The following SDK1 variants were observed in gnomAD, a reference collection of about 807,000 sequenced individuals.
SDK1 encodes the protein protein sidekick-1.
In SDK1, 157 loss-of-function variants were observed where a neutral mutation model predicts 245.5. The observed-to-expected ratio is 0.64, with a 90% CI of 0.56 to 0.73. The LOEUF (loss-of-function observed/expected upper bound fraction) is 0.73. Ranked by LOEUF, SDK1 falls within the 30% of genes least tolerant of loss-of-function variation. The pLI is 0.00. For missense variants in SDK1, 3,583 were observed against 3,002.3 expected (o/e 1.19, Z -4.52); for synonymous variants, 1,647 against 1,278.5 (o/e 1.29, Z -6.15).
intron 4 of SDK1, among the ~76,000 whole-genome samples, chr7:3,798,882 C>T (rs1445485541): frequency 6.6e-6 from 1 of 152,180 alleles, no homozygotes; most frequent in Non-Finnish European, 1.5e-5. Flanking sequence ...ACATACTCTG[C>T]TTTTCTTTGA....
intron 37 of SDK1, among the ~76,000 whole-genome samples, chr7:4,208,985 G>T (rs1784379836): frequency 6.6e-6 from 1 of 152,258 alleles, no homozygotes; most frequent in African/African-American, 2.4e-5. Context: ...GAGAGACTGG[G>T]AGAGTGAGGT....
chr7:3,614,305 A>G (rs1270187942), intron 1 of SDK1, among the ~76,000 whole-genome samples: 2 of 152,134 alleles, frequency 1.3e-5, no homozygotes, highest in Non-Finnish European at 2.9e-5. Flanking sequence ...TTCCTTAGTA[A>G]TTTATTCTAG....
intron 4 of SDK1, among the ~76,000 whole-genome samples, chr7:3,759,264 C>G (rs1780024623): frequency 6.6e-6 from 1 of 152,140 alleles, no homozygotes; most frequent in Non-Finnish European, 1.5e-5. Flanking sequence ...CCCAAAAGAT[C>G]AATCTCTAAA....
chr7:4,113,235 T>C (rs1207890455), intron 23 of SDK1, 54 bp from the exon 24 acceptor site: 20 of 1,580,638 alleles, frequency 1.3e-5, no homozygotes, highest in Non-Finnish European at 1.5e-5. Flanking sequence ...GGTTTCGTTC[T>C]TTTCCTTCTT....
intron 1 of SDK1, among the ~76,000 whole-genome samples, chr7:3,434,861 G>A (rs1779973521): frequency 6.6e-6 from 1 of 152,142 alleles, no homozygotes; most frequent in South Asian, 2.1e-4. Context: ...ATTGAGCCCA[G>A]AAAACTGAGA....
At chr7:4,059,794 A>T (rs986150885) in intron 19 of SDK1, among the ~76,000 whole-genome samples, 5 of 152,228 alleles carry the variant, frequency 3.3e-5, no homozygotes, top group Non-Finnish European at 5.9e-5. Context: ...GAACTTTGGA[A>T]TCTGTACAAA....
At chr7:3,561,306 A>G (rs573949910) in intron 1 of SDK1, among the ~76,000 whole-genome samples, 4 of 152,286 alleles carry the variant, frequency 2.6e-5, no homozygotes, top group East Asian at 3.9e-4. Context: ...TATTAAGCCA[A>G]CTTTTTGACA....
intron 1 of SDK1, among the ~76,000 whole-genome samples, chr7:3,558,065 C>G (rs1231803005): frequency 7.6e-6 from 1 of 130,768 alleles, no homozygotes; most frequent in South Asian, 2.5e-4. Flanking sequence ...CAGTTATAGT[C>G]CCCAAAGACT....
intron 1 of SDK1, among the ~76,000 whole-genome samples, chr7:3,364,647 C>T (rs912172620): frequency 2.6e-5 from 4 of 152,078 alleles, no homozygotes; most frequent in African/African-American, 9.7e-5. Flanking sequence ...GTATGTCCCC[C>T]AGCTGATAAT....
rs1787731583 is a variant in SDK1 at position 4,030,600 on chromosome 7, G to A, written c.2602+13248G>A. On this transcript the variant is annotated intron_variant, in intron 17 of 44. Transcript: ENST00000404826. ...AACTCTATCTGGACATCATCAACGG[G>A]CTTTTCATACGCGCCTTGGTGCTAT... Among the ~76,000 whole-genome samples, 4 of 152,210 alleles carry A rather than the reference G, an allele frequency of 2.6e-5. No homozygotes were observed. The South Asian group carries it at 8.3e-4, about 32-fold the overall frequency.
chr7:3,868,487 C>T (rs1056807724), intron 5 of SDK1, among the ~76,000 whole-genome samples: 16 of 152,136 alleles, frequency 1.1e-4, no homozygotes, highest in African/African-American at 3.4e-4. Flanking sequence ...AATGAATTTG[C>T]TATTTTAGTT....
At chr7:3,383,812 C>G (rs1012867778) in intron 1 of SDK1, among the ~76,000 whole-genome samples, 2 of 152,156 alleles carry the variant, frequency 1.3e-5, no homozygotes, top group Non-Finnish European at 2.9e-5. Context: ...CTAGAGTAGT[C>G]CTTTCACAAA....
chr7:4,020,372 C>T (rs1011210540), intron 17 of SDK1, among the ~76,000 whole-genome samples: 1 of 152,132 alleles, frequency 6.6e-6, no homozygotes, highest in Non-Finnish European at 1.5e-5. Context: ...ATTCAAGGAC[C>T]TCCCAGCCAG....
At chr7:3,625,081 C>T (rs1186022822) in intron 2 of SDK1, among the ~76,000 whole-genome samples, 2 of 152,000 alleles carry the variant, frequency 1.3e-5, no homozygotes, top group African/African-American at 4.8e-5. Context: ...AATGAGTTCT[C>T]AAACCAATGC....
rs576415011 is a variant in SDK1 at position 4,267,463 on chromosome 7, C to T, written c.*2079C>T. 21 of 985,410 alleles carry T rather than the reference C, an allele frequency of 2.1e-5. No homozygotes were observed. The highest frequency in any genetic ancestry group is 9.4e-5 in the South Asian group (2 of 21,276). 61.0% of individuals were successfully genotyped at this position (985,410 alleles called of 1,614,324 possible). On this transcript the variant is annotated 3_prime_UTR_variant, in exon 45 of 45. Transcript: ENST00000404826. ...AACCCACAGTTCCCCGGATGAGACT[C>T]ACCACAGTGGACAGTGCCACCTCCT...
intron 1 of SDK1, among the ~76,000 whole-genome samples, chr7:3,303,793 T>C (rs1242633082): frequency 6.6e-6 from 1 of 152,228 alleles, no homozygotes; most frequent in East Asian, 1.9e-4. Context: ...ACAGAGGAGA[T>C]GTCACCATTT....
intron 7 of SDK1, among the ~76,000 whole-genome samples, chr7:3,957,481 A>G (rs918704198): frequency 1.3e-5 from 2 of 152,262 alleles, no homozygotes; most frequent in East Asian, 1.9e-4. Flanking sequence ...TTTTCTAAAA[A>G]GAAAACGCTC....
chr7:4,239,242 G>T (rs1401930458), intron 42 of SDK1, among the ~76,000 whole-genome samples: 1 of 152,142 alleles, frequency 6.6e-6, no homozygotes, highest in Non-Finnish European at 1.5e-5. Flanking sequence ...TTACATGAAG[G>T]CCAGGAACAC....
chr7:4,129,879 A>C (rs1214683440), intron 26 of SDK1, 29 bp from the exon 27 acceptor site: 3 of 1,611,488 alleles, frequency 1.9e-6, no homozygotes, highest in Non-Finnish European at 2.5e-6. Context: ...CCGCCTCCTG[A>C]TAACCCTCGT....
Sources: allele counts gnomAD v4.1 joint callset (sites outside exome capture counted in the v4.1 genomes callset), GRCh38; gene constraint gnomAD v4.1.1; transcripts MANE v1.5; gene names NCBI Gene and HGNC (gene_info 2026-07-23, HGNC 2026-07-21).